Variants in RAB6B observed in about 807,000 individuals in gnomAD.
RAB6B encodes ras-related protein Rab-6B.
In RAB6B, 7 loss-of-function variants were observed where a neutral mutation model predicts 31.2. The observed-to-expected ratio is 0.22, with a 90% CI of 0.13 to 0.42. The LOEUF (loss-of-function observed/expected upper bound fraction) is 0.42, where lower values mean the gene tolerates loss of function less well. Among genes scored for constraint, RAB6B ranks in the 10% least tolerant of loss-of-function variants. The pLI, the probability that RAB6B is intolerant of heterozygous loss-of-function variation, is 1.00. For synonymous variants in RAB6B, 105 were observed against 104.9 expected, an observed-to-expected ratio of 1.00 and a Z score of -0.01; for missense variants, 149 against 280.6, an observed-to-expected ratio of 0.53 and a Z score of 3.35.
intron 1 of RAB6B, among the ~76,000 whole-genome samples, chr3:133,891,331 G>C (rs1936635186): frequency 6.6e-6 from 1 of 152,216 alleles, no homozygotes; most frequent in South Asian, 2.1e-4. Flanking sequence ...CTACAGGGCA[G>C]AGCAGAAGAA....
chr3:133,841,681 A>G lies in RAB6B; in HGVS notation c.130-18T>C. Reference sequence around the variant, plus strand: ...ATGGTTGCCTGTTAGAGAAAAGCACAGAACGGTCAAAATCAAAAGGTCTCA... The same window carrying G: ...ATGGTTGCCTGTTAGAGAAAAGCACGGAACGGTCAAAATCAAAAGGTCTCA... On this transcript the variant is annotated intron_variant, in intron 2 of 7. Coordinates refer to ENST00000285208, the MANE Select transcript of RAB6B (RefSeq NM_016577.4). 6.2e-7 allele frequency: 1 copy of G among 1,613,616 alleles called. No individual in the cohort carries two copies. The highest frequency in any genetic ancestry group is 8.5e-7 in the Non-Finnish European group (1 of 1,179,764).
chr3:133,851,990 A>T (rs1413414748), intron 2 of RAB6B, among the ~76,000 whole-genome samples: 1 of 151,996 alleles, frequency 6.6e-6, no homozygotes, highest in Non-Finnish European at 1.5e-5. Context: ...GGTGTCATTC[A>T]TGCCACCTCC....
At chr3:133,871,304 G>T (rs959871370) in intron 1 of RAB6B, among the ~76,000 whole-genome samples, 1 of 152,202 alleles carries the variant, frequency 6.6e-6, no homozygotes, top group Non-Finnish European at 1.5e-5. Flanking sequence ...TGCAAGGAAA[G>T]GCCGCTCTGC....
intron 6 of RAB6B, among the ~76,000 whole-genome samples, chr3:133,836,759 C>T (rs1176409617): frequency 1.8e-4 from 27 of 152,138 alleles, no homozygotes; most frequent in Admixed American, 1.8e-3. Flanking sequence ...GCTTCAGCCC[C>T]ACACCAAGGG....
intron 2 of RAB6B, among the ~76,000 whole-genome samples, chr3:133,857,674 T>A (rs1328244131): frequency 2.0e-5 from 3 of 152,246 alleles, no homozygotes; most frequent in Admixed American, 2.0e-4. Context: ...ATTTGCCCAG[T>A]CTCTCACAGG....
intron 2 of RAB6B, among the ~76,000 whole-genome samples, chr3:133,847,509 A>C (rs1370155361): frequency 6.6e-6 from 1 of 152,152 alleles, no homozygotes; most frequent in Non-Finnish European, 1.5e-5. Context: ...CTTTCATCCA[A>C]GAAACATTCT....
chr3:133,855,060 G>A (rs1443815586), intron 2 of RAB6B, among the ~76,000 whole-genome samples: 1 of 152,250 alleles, frequency 6.6e-6, no homozygotes, highest in African/African-American at 2.4e-5. Flanking sequence ...GCATCCATAA[G>A]TGGCAGAAAG....
chr3:133,834,737 C>G (rs2107987378), intron 6 of RAB6B, 96 bp from the exon 7 acceptor site: 6 of 1,186,428 alleles, frequency 5.1e-6, no homozygotes, highest in South Asian at 1.2e-5. Flanking sequence ...CCCTCCCAAC[C>G]TGCAGCTTTA....
In RAB6B at chr3:133,895,600, G is replaced by A; in HGVS notation, c.-134C>T. 1 of 834,364 alleles carries A rather than the reference G, an allele frequency of 1.2e-6. No homozygotes were observed. Among genetic ancestry groups the A allele is most frequent in the South Asian group, 1.6e-5 (1 of 61,942 alleles). The allele number at this position is 834,364 out of a possible 1,614,324, so 51.7% of individuals were successfully genotyped here. On this transcript the variant is annotated 5_prime_UTR_variant, in exon 1 of 8. Transcript: ENST00000285208. ...GGAAGGGCTGGCTGCGCGCGTCCCT[G>A]ACTCCCCAGCTGCGTCCCGGTCCCG... is the stretch of plus-strand genomic sequence containing the variant.
chr3:133,866,633 G>T (rs1022185489), intron 1 of RAB6B, among the ~76,000 whole-genome samples: 4 of 152,236 alleles, frequency 2.6e-5, no homozygotes, highest in African/African-American at 9.6e-5. Context: ...CATTCTGACT[G>T]CTTTAAATCT....
intron 2 of RAB6B, among the ~76,000 whole-genome samples, chr3:133,858,284 A>G (rs909200042): frequency 1.3e-5 from 2 of 152,252 alleles, no homozygotes; most frequent in African/African-American, 4.8e-5. Context: ...GACTATAATT[A>G]TAATGAATCC....
chr3:133,839,625 C>G lies in RAB6B; in HGVS notation c.290-8G>C. 1 of 1,602,778 alleles carries G rather than the reference C, an allele frequency of 6.2e-7. No homozygotes were observed. Among genetic ancestry groups the G allele is most frequent in the Non-Finnish European group, 8.5e-7 (1 of 1,169,690 alleles). On this transcript the variant is annotated splice_region_variant and splice_polypyrimidine_tract_variant and intron_variant, in intron 4 of 7. Transcript: ENST00000285208. ...GTTGGAAGGAGTTGAGATCTGGAGG[C>G]AGAAAGTGAGGATAAACTGAAAGCC...
At chr3:133,862,314 G>C (rs1156468844) in intron 2 of RAB6B, among the ~76,000 whole-genome samples, 1 of 152,090 alleles carries the variant, frequency 6.6e-6, no homozygotes, top group Non-Finnish European at 1.5e-5. Context: ...ACTATGGTCA[G>C]GCCCTGTGCT....
chr3:133,863,369 C>T (rs151069558), intron 2 of RAB6B, among the ~76,000 whole-genome samples: 1 of 152,194 alleles, frequency 6.6e-6, no homozygotes, highest in East Asian at 1.9e-4. Flanking sequence ...GGGAGACAGA[C>T]AGACTAAAAA....
intron 1 of RAB6B, among the ~76,000 whole-genome samples, chr3:133,890,550 A>G (rs533292655): frequency 6.6e-6 from 1 of 152,330 alleles, no homozygotes; most frequent in South Asian, 2.1e-4. Context: ...GGTTGCAGTA[A>G]GCCAAGATTC....
intron 1 of RAB6B, among the ~76,000 whole-genome samples, chr3:133,877,817 TTAGTATAATAACATA>T (rs1251705684): frequency 2.7e-5 from 4 of 148,982 alleles, no homozygotes; most frequent in Non-Finnish European, 5.9e-5. Context: ...ATACTATATG[TTAGTATAATAACATA>T]TAGTATAATA....
chr3:133,895,250 CG>C, intron 1 of RAB6B, 146 bp downstream of exon 1: 1 of 829,888 alleles, frequency 1.2e-6, no homozygotes, highest in Non-Finnish European at 1.8e-6. Flanking sequence ...AGCCCGACCC[CG>C]CCCCGACCTC....
chr3:133,842,822 C>T (rs1935855974), intron 2 of RAB6B, among the ~76,000 whole-genome samples: 1 of 152,198 alleles, frequency 6.6e-6, no homozygotes, highest in African/African-American at 2.4e-5. Context: ...TCCTTCATTA[C>T]ACTTTTCTCT....
intron 7 of RAB6B, among the ~76,000 whole-genome samples, chr3:133,830,764 G>A (rs1254581207): frequency 6.6e-6 from 1 of 152,194 alleles, no homozygotes; most frequent in East Asian, 1.9e-4. Flanking sequence ...CACTGACCTG[G>A]CTGTGCTAAG....
Sources: gnomAD v4.1 joint callset for allele counts (sites outside exome capture counted in the v4.1 genomes callset) on GRCh38, gnomAD v4.1.1 for gene constraint, MANE v1.5 for transcripts, NCBI Gene and HGNC (gene_info 2026-07-23, HGNC 2026-07-21) for gene names.